Variants in MPP7 observed in about 807,000 individuals in gnomAD.
The protein encoded by MPP7 is MAGUK p55 subfamily member 7.
Under a neutral mutation model 76.5 loss-of-function variants are expected in MPP7, and 60 were observed. The ratio of observed to expected loss-of-function variants is 0.78; its 90% CI spans 0.64 to 0.97. The LOEUF is 0.97. Among genes scored for constraint, MPP7 ranks in the 50% least tolerant of loss-of-function variants. MPP7 has a pLI of 0.00. For missense variants in MPP7, 641 were observed against 694.0 expected (o/e 0.92, Z 0.86); for synonymous variants, 237 against 244.5 (o/e 0.97, Z 0.29).
At chr10:28,192,098 AAT>A in intron 3 of MPP7, among the ~76,000 whole-genome samples, 1 of 152,246 alleles carries the variant, frequency 6.6e-6, no homozygotes, top group East Asian at 1.9e-4. Flanking sequence ...AAAAAAAAAA[AAT>A]CAGTACCCAT....
At chr10:28,210,452 A>G (rs1236183953) in intron 2 of MPP7, among the ~76,000 whole-genome samples, 3 of 152,188 alleles carry the variant, frequency 2.0e-5, no homozygotes. Flanking sequence ...CTATCAAAAG[A>G]GCACTCTCTT....
At position 28,177,850 on chromosome 10, in the gene MPP7, C is replaced by T. The variant is rs1348167988; in HGVS notation, c.156+24303G>A. 2.0e-5 allele frequency among the ~76,000 whole-genome samples: 3 copies of T among 152,236 alleles called. No individual in the cohort carries two copies. The East Asian group carries it at 5.8e-4, about 29-fold the overall frequency. Reference sequence around the variant, plus strand: ...CTGTCATGCTGGCGGATCAGGGATGCCAGGCATGCAGGTGCTGAAACCCTA... The same window carrying T: ...CTGTCATGCTGGCGGATCAGGGATGTCAGGCATGCAGGTGCTGAAACCCTA... On this transcript the variant is annotated intron_variant, in intron 3 of 16. Coordinates refer to ENST00000683449, the MANE Select transcript of MPP7 (RefSeq NM_001318170.2).
intron 3 of MPP7, among the ~76,000 whole-genome samples, chr10:28,168,188 TCACA>T (rs1021607770): frequency 2.0e-5 from 3 of 151,912 alleles, no homozygotes; most frequent in African/African-American, 7.3e-5. Flanking sequence ...TGAACCTAGA[TCACA>T]CCACTGCACT....
At chr10:28,093,118 C>T (rs1229220566) in intron 11 of MPP7, among the ~76,000 whole-genome samples, 1 of 152,122 alleles carries the variant, frequency 6.6e-6, no homozygotes, top group Non-Finnish European at 1.5e-5. Context: ...ACTCTAACAA[C>T]AAAAGTTAGA....
chr10:28,110,382 G>A (rs948668414), intron 11 of MPP7, among the ~76,000 whole-genome samples: 3 of 152,204 alleles, frequency 2.0e-5, no homozygotes, highest in South Asian at 4.2e-4. Context: ...GAGCCACTAC[G>A]CCCGACCTAT....
chr10:28,284,131 T>C (rs1054636699), intron 1 of MPP7, among the ~76,000 whole-genome samples: 1 of 152,142 alleles, frequency 6.6e-6, no homozygotes, highest in African/African-American at 2.4e-5. Context: ...GTGAGATTAA[T>C]AGTTGGTATG....
chr10:28,253,241 G>T (rs1012569246), intron 1 of MPP7, among the ~76,000 whole-genome samples: 2 of 152,096 alleles, frequency 1.3e-5, no homozygotes, highest in African/African-American at 2.4e-5. Flanking sequence ...AATGGTTTTT[G>T]ATTCTTGGTA....
At chr10:28,290,230 T>TA (rs1840883454) in intron 1 of MPP7, among the ~76,000 whole-genome samples, 1 of 151,984 alleles carries the variant, frequency 6.6e-6, no homozygotes, top group Non-Finnish European at 1.5e-5. Flanking sequence ...CTTGTATTGA[T>TA]GCCCTATATC....
intron 11 of MPP7, among the ~76,000 whole-genome samples, chr10:28,105,152 CAAAAAAAAAAAA>C (rs869250857): frequency 3.4e-5 from 1 of 29,614 alleles, no homozygotes; most frequent in Non-Finnish European, 7.2e-5. Flanking sequence ...GACTCCATCT[CAAAAAAAAAAAA>C]AAAAAAAAAA....
intron 2 of MPP7, among the ~76,000 whole-genome samples, chr10:28,316,097 T>G (rs375396251): frequency 6.6e-6 from 1 of 152,150 alleles, no homozygotes; most frequent in South Asian, 2.1e-4. Context: ...TGTAATGTGG[T>G]ACCCTGGATG....
At chr10:28,225,270 G>A (rs1382105917) in intron 2 of MPP7, among the ~76,000 whole-genome samples, 1 of 152,094 alleles carries the variant, frequency 6.6e-6, no homozygotes, top group Non-Finnish European at 1.5e-5. Context: ...TTTGATCATG[G>A]ATTCTTAGAT....
intron 13 of MPP7, among the ~76,000 whole-genome samples, chr10:28,067,843 G>T (rs1852053055): frequency 6.6e-6 from 1 of 152,128 alleles, no homozygotes; most frequent in African/African-American, 2.4e-5. Context: ...TGTTAATATA[G>T]GAGGAAGAAC....
intron 2 of MPP7, among the ~76,000 whole-genome samples, chr10:28,318,352 T>G (rs1031934536): frequency 2.0e-5 from 3 of 152,152 alleles, no homozygotes; most frequent in Non-Finnish European, 4.4e-5. Flanking sequence ...TTCTTCCTTC[T>G]CTGTGTAACA....
At chr10:28,306,951 G>A (rs1841261953), upstream of MPP7, among the ~76,000 whole-genome samples, 1 of 152,120 alleles carries the variant, frequency 6.6e-6, no homozygotes, top group African/African-American at 2.4e-5. Context: ...CCCAGTGTCA[G>A]AGAAATGATG....
chr10:28,302,565 G>T (rs1157624115), intron 1 of MPP7, among the ~76,000 whole-genome samples: 1 of 152,150 alleles, frequency 6.6e-6, no homozygotes, highest in African/African-American at 2.4e-5. Flanking sequence ...TCCCCGCTCT[G>T]GGTCTGCCCC....
intron 1 of MPP7, among the ~76,000 whole-genome samples, chr10:28,270,455 G>A (rs1165432858): frequency 1.3e-5 from 2 of 148,858 alleles, no homozygotes; most frequent in Admixed American, 6.8e-5. Context: ...GCAGACAGAG[G>A]CAGGAGGATC....
At chr10:28,156,126 A>G (rs1465029775) in intron 3 of MPP7, among the ~76,000 whole-genome samples, 1 of 152,262 alleles carries the variant, frequency 6.6e-6, no homozygotes, top group Non-Finnish European at 1.5e-5. Flanking sequence ...TTGAAGTCAA[A>G]TACATGAGTT....
At chr10:28,300,980 A>G (rs1175690199) in intron 1 of MPP7, among the ~76,000 whole-genome samples, 1 of 151,848 alleles carries the variant, frequency 6.6e-6, no homozygotes, top group African/African-American at 2.4e-5. Flanking sequence ...CCATTCAGTA[A>G]TCCATAAGAC....
chr10:28,161,939 C>T (rs74129014), intron 3 of MPP7, among the ~76,000 whole-genome samples: 9 of 152,258 alleles, frequency 5.9e-5, no homozygotes, highest in South Asian at 2.1e-4. Flanking sequence ...TACTTTCAAA[C>T]GGCAGATGGT....
Sources: gnomAD v4.1 joint callset for allele counts (sites outside exome capture counted in the v4.1 genomes callset) on GRCh38, gnomAD v4.1.1 for gene constraint, MANE v1.5 for transcripts, NCBI Gene and HGNC (gene_info 2026-07-23, HGNC 2026-07-21) for gene names.